Variants in TBX2 observed in about 807,000 individuals in gnomAD.
The protein encoded by TBX2 is T-box transcription factor TBX2.
A neutral mutation model predicts 48.4 loss-of-function variants in TBX2; 19 were observed. The ratio of observed to expected loss-of-function variants is 0.39; its 90% CI spans 0.27 to 0.58. TBX2 has a LOEUF of 0.58. TBX2 is among the 20% of genes least tolerant of loss of function. The pLI is 0.54. For synonymous variants in TBX2, 522 were observed against 459.7 expected (o/e 1.14, Z -1.73); for missense variants, 994 against 1,006.5 (o/e 0.99, Z 0.17).
Position 61,404,751 on chromosome 17 carries a change from C to A in TBX2, c.1033C>A (p.Arg345Ser). The change falls in exon 5 of 7, where the codon CGC (arginine) becomes AGC (serine). Residue 345 changes from arginine to serine, a missense_variant. Arg to Ser is a moderately radical substitution (Grantham distance 110). Coordinates refer to ENST00000240328, the MANE Select transcript of TBX2 (RefSeq NM_005994.4). ...TSPGAAPSPL[R>S]LHRARAEEKS... ...CCCGGGCGCAGCGCCCAGTCCGCTGCGCCTGCACCGGGCCCGAGGTGAGGG... is the reference window on the plus strand; with the variant it reads ...CCCGGGCGCAGCGCCCAGTCCGCTGAGCCTGCACCGGGCCCGAGGTGAGGG... 1 of 1,548,680 alleles carries A rather than the reference C, an allele frequency of 6.5e-7. No homozygotes were observed. The highest frequency in any genetic ancestry group is 8.7e-7 in the Non-Finnish European group (1 of 1,149,608).
chr17:61,400,967 G>A lies in TBX2; in HGVS notation c.395+396G>A, dbSNP rs982822428. Among the ~76,000 whole-genome samples the A allele has an allele frequency of 6.6e-6, 1 of 151,976 alleles. No individual in the cohort carries two copies. The highest frequency in any genetic ancestry group is 2.4e-5 in the African/African-American group (1 of 41,350). Reference sequence around the variant, plus strand: ...TTCAGCCTCTCTCAGACTCTGCTCCGACCCCGAAGCCCCTAGTGGGACCTG... The same window carrying A: ...TTCAGCCTCTCTCAGACTCTGCTCCAACCCCGAAGCCCCTAGTGGGACCTG... On this transcript the variant is annotated intron_variant, in intron 1 of 6. Coordinates refer to ENST00000240328, the MANE Select transcript of TBX2 (RefSeq NM_005994.4). The surrounding 1 kb of genome is among the most constrained non-coding windows in gnomAD (Gnocchi z 9.2).
rs2143723856 is a variant in TBX2 at position 61,400,281 on chromosome 17, C to T, written c.105C>T (p.Pro35=). 8.5e-7 allele frequency: 1 copy of T among 1,171,698 alleles called. No individual in the cohort carries two copies. The highest frequency in any genetic ancestry group is 1.1e-6 in the Non-Finnish European group (1 of 928,796). The allele number at this position is 1,171,698 out of a possible 1,614,324, so 72.6% of individuals were successfully genotyped here. A position where few individuals can be genotyped will look rare whatever the true frequency, so the allele number is the denominator to read the frequency against. Residue 35 remains proline (P), a synonymous_variant, in exon 1 of 7, where the codon CCC becomes CCT. Coordinates refer to ENST00000240328, the MANE Select transcript of TBX2 (RefSeq NM_005994.4). The surrounding 1 kb of genome is among the most constrained non-coding windows in gnomAD (Gnocchi z 9.2). ...PMSAFLAAAQ[P]SFFPALALPP... Reference sequence around the variant, plus strand: ...CCGCCTTTCTGGCGGCGGCGCAGCCCTCCTTCTTCCCGGCACTCGCGCTGC... The same window carrying T: ...CCGCCTTTCTGGCGGCGGCGCAGCCTTCCTTCTTCCCGGCACTCGCGCTGC...
chr17:61,405,387 G>A lies in TBX2; in HGVS notation c.1237G>A (p.Gly413Arg). The A allele has an allele frequency of 6.5e-7, 1 of 1,531,180 alleles. No homozygotes were observed. Among genetic ancestry groups the A allele is most frequent in the Non-Finnish European group, 8.7e-7 (1 of 1,142,954 alleles). 94.8% of individuals were successfully genotyped at this position (1,531,180 alleles called of 1,614,324 possible). Residue 413 changes from glycine to arginine, a missense_variant, in exon 6 of 7, where the codon GGG becomes AGG. Gly to Arg is a moderately radical substitution (Grantham distance 125, BLOSUM62 -2). Transcript: ENST00000240328. ...GGGCAAGGAGCCGGCCGAGAGCGGC[G>A]GGGACGGCCCGTTCGGCCTGAGGAG... Reference protein sequence around the residue: ...ERGKEPAESGGDGPFGLRSLE... With the variant: ...ERGKEPAESGRDGPFGLRSLE...
In TBX2 at chr17:61,400,202, G is replaced by C. The variant is rs748026437; in HGVS notation, c.26G>C (p.Ser9Thr). 1 of 1,183,738 alleles carries C rather than the reference G, an allele frequency of 8.4e-7. No individual in the cohort carries two copies. The highest frequency in any genetic ancestry group is 1.1e-6 in the Non-Finnish European group (1 of 936,724). 73.3% of individuals were successfully genotyped at this position (1,183,738 alleles called of 1,614,324 possible). ...ATGAGAGAGCCGGCGCTGGCGGCCA[G>C]CGCCATGGCTTACCACCCGTTCCAC... MREPALAA[S>T]AMAYHPFHAP... The change falls in exon 1 of 7, where the codon AGC (serine) becomes ACC (threonine). Residue 9 changes from serine (S) to threonine (T), a missense_variant. By Grantham distance (58) the Ser-to-Thr change is moderately conservative. This residue lies in a region of TBX2 where 165 missense variants were observed against 136.8 expected (regional missense o/e 1.21). Transcript: ENST00000240328. This position sits in a 1 kb window ranked among gnomAD's most constrained non-coding sequence, Gnocchi z 9.2.
Position 61,408,751 on chromosome 17 carries a change from C to T in TBX2, c.*245C>T. On this transcript the variant is annotated 3_prime_UTR_variant, in exon 7 of 7. Transcript: ENST00000240328. ...TGGGCTAGGTCCAGATCCGCTCCAG[C>T]GTCAAGGTGGCATCCGAAGGTGTCT... 2.5e-6 allele frequency: 1 copy of T among 403,698 alleles called. No individual in the cohort carries two copies. Among genetic ancestry groups the T allele is most frequent in the East Asian group, 3.7e-5 (1 of 27,120 alleles). 25.0% of individuals were successfully genotyped at this position (403,698 alleles called of 1,614,324 possible).
chr17:61,400,709 C>A lies in TBX2; in HGVS notation c.395+138C>A. ...GTTCTGGCCCTGACGCCACGCTTCG[C>A]TCCCACGGACAACCAAGTTGACTTT... is the stretch of plus-strand genomic sequence containing the variant. On this transcript the variant is annotated intron_variant, in intron 1 of 6. Coordinates refer to ENST00000240328, the MANE Select transcript of TBX2 (RefSeq NM_005994.4). The surrounding 1 kb of genome is among the most constrained non-coding windows in gnomAD (Gnocchi z 9.2). The A allele has an allele frequency of 1.1e-6, 1 of 887,128 alleles. No homozygotes were observed. Among genetic ancestry groups the A allele is most frequent in the African/African-American group, 1.7e-5 (1 of 57,404 alleles). 55.0% of individuals were successfully genotyped at this position (887,128 alleles called of 1,614,324 possible). A position where few individuals can be genotyped will look rare whatever the true frequency, so the allele number is the denominator to read the frequency against.
chr17:61,403,336 C>A lies in TBX2; in HGVS notation c.810+129C>A. 2 of 1,413,780 alleles carry A rather than the reference C, an allele frequency of 1.4e-6. No individual in the cohort carries two copies. The highest frequency in any genetic ancestry group is 1.9e-6 in the Non-Finnish European group (2 of 1,060,384). The allele number at this position is 1,413,780 out of a possible 1,614,324, so 87.6% of individuals were successfully genotyped here. On this transcript the variant is annotated intron_variant, in intron 3 of 6. Coordinates refer to ENST00000240328, the MANE Select transcript of TBX2 (RefSeq NM_005994.4). This position sits in a 1 kb window ranked among gnomAD's most constrained non-coding sequence, Gnocchi z 5.8. ...CGCGCTCTTGCGGCCCGCCCCCGAG[C>A]ACCGAGCCTCGCATCCATACGCGCA...
Position 61,408,419 on chromosome 17 carries a change from G to C in TBX2, c.2052G>C (p.Ala684=). ...CGCCCAGTGGCTCGGCCAAGGAGGCGGCCAATGAACTGCAGAGCATCCAGA... is the reference window on the plus strand; with the variant it reads ...CGCCCAGTGGCTCGGCCAAGGAGGCCGCCAATGAACTGCAGAGCATCCAGA... The part of the protein sequence containing the change: ...ALSPSGSAKE[A]ANELQSIQRL... Residue 684 remains alanine, a synonymous_variant, in exon 7 of 7, where the codon GCG becomes GCC. Transcript: ENST00000240328. 1 of 1,540,518 alleles carries C rather than the reference G, an allele frequency of 6.5e-7. No homozygotes were observed. The highest frequency in any genetic ancestry group is 8.8e-7 in the Non-Finnish European group (1 of 1,142,476).
rs1368949933 is a variant in TBX2 at position 61,403,527 on chromosome 17, T to A, written c.810+320T>A. On this transcript the variant is annotated intron_variant, in intron 3 of 6. Transcript: ENST00000240328. The surrounding 1 kb of genome is among the most constrained non-coding windows in gnomAD (Gnocchi z 5.8). ...ACATTTTTACATTTTATTCGTTTAT[T>A]TCTTGGCTCAGGAATGAGAATGTAA... Among the ~76,000 whole-genome samples, 1 of 152,220 alleles carries A rather than the reference T, an allele frequency of 6.6e-6. No homozygotes were observed. Among genetic ancestry groups the A allele is most frequent in the African/African-American group, 2.4e-5 (1 of 41,458 alleles).
At position 61,400,749 on chromosome 17, in the gene TBX2, G is replaced by A. The variant is rs1481339956; in HGVS notation, c.395+178G>A. Among the ~76,000 whole-genome samples, 1 of 152,140 alleles carries A rather than the reference G, an allele frequency of 6.6e-6. No individual in the cohort carries two copies. The highest frequency in any genetic ancestry group is 2.4e-5 in the African/African-American group (1 of 41,404). On this transcript the variant is annotated intron_variant, in intron 1 of 6. Coordinates refer to ENST00000240328, the MANE Select transcript of TBX2 (RefSeq NM_005994.4). This position sits in a 1 kb window ranked among gnomAD's most constrained non-coding sequence, Gnocchi z 9.2. ...AAGTTGACTTTTCTCGTTTGGCACC[G>A]GAGCGATTTTTTTTTAAAACAAAAA...
chr17:61,404,466 C>A lies in TBX2; in HGVS notation c.856C>A (p.Arg286=). The change falls in exon 4 of 7, where the codon CGG becomes AGG. Residue 286 remains arginine, a synonymous_variant. Transcript: ENST00000240328. ...IDNNPFAKGF[R]DTGNGRREKR... ...CAACAACCCGTTTGCCAAGGGCTTC[C>A]GGGACACCGGGAACGGCCGGCGGGA... The A allele has an allele frequency of 6.2e-7, 1 of 1,612,002 alleles. No homozygotes were observed. Among genetic ancestry groups the A allele is most frequent in the South Asian group, 1.1e-5 (1 of 90,752 alleles).
At chr17:61,405,891 G>A in intron 6 of TBX2, 55 bp downstream of exon 6, 1 of 1,266,294 alleles carries the variant, frequency 7.9e-7, no homozygotes, top group Non-Finnish European at 9.9e-7. Flanking sequence ...CAGGGAGCTG[G>A]CGGCGAGGCC....
rs1014692258 is a variant in TBX2 at position 61,403,328 on chromosome 17, C to A, written c.810+121C>A. ...ACGGGATCCGCGCTCTTGCGGCCCG[C>A]CCCCGAGCACCGAGCCTCGCATCCA... On this transcript the variant is annotated intron_variant, in intron 3 of 6. Transcript: ENST00000240328. This position sits in a 1 kb window ranked among gnomAD's most constrained non-coding sequence, Gnocchi z 5.8. The A allele has an allele frequency of 6.9e-7, 1 of 1,444,966 alleles. No individual in the cohort carries two copies. Among genetic ancestry groups the A allele is most frequent in the Non-Finnish European group, 9.2e-7 (1 of 1,084,816 alleles). 89.5% of individuals were successfully genotyped at this position (1,444,966 alleles called of 1,614,324 possible).
In TBX2 at chr17:61,400,202, G is replaced by T. The variant is rs748026437; in HGVS notation, c.26G>T (p.Ser9Ile). MREPALAA[S>I]AMAYHPFHAP... ...ATGAGAGAGCCGGCGCTGGCGGCCAGCGCCATGGCTTACCACCCGTTCCAC... is the reference window on the plus strand; with the variant it reads ...ATGAGAGAGCCGGCGCTGGCGGCCATCGCCATGGCTTACCACCCGTTCCAC... The change falls in exon 1 of 7, where the codon AGC (serine) becomes ATC (isoleucine). Residue 9 changes from serine (S) to isoleucine (I), a missense_variant. Around this residue, in one of 5 missense-constraint regions of TBX2, gnomAD observed 165 missense variants for 136.8 expected, o/e 1.21. Transcript: ENST00000240328. The surrounding 1 kb of genome is among the most constrained non-coding windows in gnomAD (Gnocchi z 9.2). The T allele has an allele frequency of 8.4e-7, 1 of 1,183,738 alleles. No individual in the cohort carries two copies. Among genetic ancestry groups the T allele is most frequent in the Non-Finnish European group, 1.1e-6 (1 of 936,724 alleles). 73.3% of individuals were successfully genotyped at this position (1,183,738 alleles called of 1,614,324 possible). A position where few individuals can be genotyped will look rare whatever the true frequency, so the allele number is the denominator to read the frequency against.
chr17:61,401,667 C>T lies in TBX2; in HGVS notation c.396-17C>T. Reference sequence around the variant, plus strand: ...CAGCCGGTTCCAATGGGATCTCCTCCCTTCCCTCCCTCCCAGGCGGATGTT... The same window carrying T: ...CAGCCGGTTCCAATGGGATCTCCTCTCTTCCCTCCCTCCCAGGCGGATGTT... On this transcript the variant is annotated splice_polypyrimidine_tract_variant and intron_variant, in intron 1 of 6. Transcript: ENST00000240328. The T allele has an allele frequency of 6.2e-7, 1 of 1,606,766 alleles. No homozygotes were observed. The highest frequency in any genetic ancestry group is 8.5e-7 in the Non-Finnish European group (1 of 1,176,464).
Position 61,403,145 on chromosome 17 carries a change from T to A in TBX2, c.748T>A (p.Phe250Ile). 6.2e-7 allele frequency: 1 copy of A among 1,613,808 alleles called. No individual in the cohort carries two copies. Among genetic ancestry groups the A allele is most frequent in the South Asian group, 1.1e-5 (1 of 91,078 alleles). The change falls in exon 3 of 7, where the codon TTC becomes ATC. Residue 250 changes from phenylalanine (F) to isoleucine (I), a missense_variant. Physicochemically the swap from Phe to Ile is conservative, Grantham distance 21. Transcript: ENST00000240328. The surrounding 1 kb of genome is among the most constrained non-coding windows in gnomAD (Gnocchi z 5.8). ...CATCCTGAAGCTGCCTTACAGCACC[T>A]TCCGCACCTACGTGTTCCCGGAGAC... Reference protein sequence around the residue: ...NDILKLPYSTFRTYVFPETDF... With the variant: ...NDILKLPYSTIRTYVFPETDF...
chr17:61,402,035 C>T, intron 2 of TBX2, 84 bp downstream of exon 2: 3 of 1,507,254 alleles, frequency 2.0e-6, no homozygotes, highest in Non-Finnish European at 2.7e-6. Flanking sequence ...GCGGCAGGAT[C>T]TCCCAGGGGG....
chr17:61,400,230 G>C lies in TBX2; in HGVS notation c.54G>C (p.Ala18=). ...ASAMAYHPFH[A]PRPADFPMSA... is the part of the protein sequence containing the mutation. ...CCATGGCTTACCACCCGTTCCACGC[G>C]CCACGGCCCGCCGACTTCCCCATGT... is the stretch of plus-strand genomic sequence containing the variant. The change falls in exon 1 of 7, where the codon GCG becomes GCC. Residue 18 remains alanine (A), a synonymous_variant. Coordinates refer to ENST00000240328, the MANE Select transcript of TBX2 (RefSeq NM_005994.4). This position sits in a 1 kb window ranked among gnomAD's most constrained non-coding sequence, Gnocchi z 9.2. The C allele has an allele frequency of 1.6e-6, 2 of 1,217,180 alleles. No individual in the cohort carries two copies. The highest frequency in any genetic ancestry group is 5.1e-4 in the Middle Eastern group (2 of 3,916). The allele number at this position is 1,217,180 out of a possible 1,614,324, so 75.4% of individuals were successfully genotyped here.
intron 2 of TBX2, among the ~76,000 whole-genome samples, chr17:61,402,717 G>T (rs2060268798): frequency 6.6e-6 from 1 of 151,982 alleles, no homozygotes; most frequent in Admixed American, 6.6e-5. Context: ...CTTTTGTGGG[G>T]AGGGGTTGTT....
Sources: allele counts gnomAD v4.1 joint callset (sites outside exome capture counted in the v4.1 genomes callset), GRCh38; gene constraint gnomAD v4.1.1; regional missense constraint gnomAD v4.1.1; non-coding constraint Gnocchi (gnomAD v3.1); transcripts MANE v1.5; gene names NCBI Gene and HGNC (gene_info 2026-07-23, HGNC 2026-07-21).